Variants in PTBP2 observed in about 807,000 individuals in gnomAD.
PTBP2 encodes the protein polypyrimidine tract-binding protein 2.
PTBP2 carries 13 observed loss-of-function variants against 61.4 expected under a neutral mutation model. The observed-to-expected ratio is 0.21, with a 90% CI of 0.14 to 0.34. The LOEUF is 0.34. PTBP2 is among the 10% of genes least tolerant of loss of function. The pLI is 1.00. For missense variants in PTBP2, 405 were observed against 642.6 expected (o/e 0.63, Z 4.00); for synonymous variants, 215 against 218.5 (o/e 0.98, Z 0.14).
exon 14 of PTBP2, chr1:96,821,857 A>T (rs2101324792): frequency 6.6e-6 from 1 of 152,150 alleles, no homozygotes; most frequent in Non-Finnish European, 1.5e-5. Flanking sequence ...CGAACTCCTG[A>T]CCTCAAATGA....
chr1:96,722,202 A>G (rs1649680996), intron 1 of PTBP2, among the ~76,000 whole-genome samples: 1 of 151,984 alleles, frequency 6.6e-6, no homozygotes, highest in Non-Finnish European at 1.5e-5. Context: ...TGCCCCCTCT[A>G]GGAGCCATTT....
intron 2 of PTBP2, chr1:96,749,488 CTT>C: frequency 3.1e-6 from 1 of 325,888 alleles, no homozygotes; most frequent in South Asian, 2.3e-5. Flanking sequence ...GTGAGTAAAA[CTT>C]TAAGCATCAC....
intron 8 of PTBP2, among the ~76,000 whole-genome samples, chr1:96,785,960 G>T (rs1659161698): frequency 6.6e-6 from 1 of 152,094 alleles, no homozygotes; most frequent in Non-Finnish European, 1.5e-5. Flanking sequence ...TAAGTAAAAT[G>T]TGCAAAGTGA....
chr1:96,785,499 A>G lies in PTBP2; in HGVS notation c.904+245A>G, dbSNP rs12080378. ...ATACCTTCAGCTTCTCTTCCATGCC[A>G]CTCTCCCAGAACAAAAGAAGAAAAG... On this transcript the variant is annotated intron_variant, in intron 8 of 13. Transcript: ENST00000674951. Among the ~76,000 whole-genome samples the G allele has an allele frequency of 1.2e-3, 186 of 152,248 alleles. 1 individual carries two copies. Among genetic ancestry groups the G allele is most frequent in the African/African-American group, 4.4e-3 (183 of 41,554 alleles).
At chr1:96,789,690 A>T (rs1250836567) in intron 8 of PTBP2, among the ~76,000 whole-genome samples, 1 of 152,054 alleles carries the variant, frequency 6.6e-6, no homozygotes, top group Admixed American at 6.5e-5. Context: ...AATATTTATT[A>T]ATTTATTATT....
intron 8 of PTBP2, 103 bp from the exon 9 acceptor site, chr1:96,804,697 G>A (rs1661337173): frequency 8.4e-6 from 10 of 1,193,380 alleles, no homozygotes; most frequent in Non-Finnish European, 1.2e-5. Flanking sequence ...GGAATGGTCA[G>A]CCGTAAGCCA....
chr1:96,791,764 G>A (rs976497147), intron 8 of PTBP2, among the ~76,000 whole-genome samples: 1 of 150,300 alleles, frequency 6.7e-6, no homozygotes, highest in South Asian at 2.1e-4. Flanking sequence ...CCTAGGAATA[G>A]CTCAAAAATT....
chr1:96,724,644 A>AGATGCTGACTG (rs1388951212), intron 2 of PTBP2, among the ~76,000 whole-genome samples: 1 of 128,154 alleles, frequency 7.8e-6, no homozygotes, highest in East Asian at 2.4e-4. Context: ...CTGTTCAAAC[A>AGATGCTGACTG]TTTTTTCGAA....
downstream of PTBP2, chr1:96,815,428 G>A (rs1370858112): frequency 6.6e-6 from 1 of 152,138 alleles, no homozygotes; most frequent in Admixed American, 6.5e-5. Context: ...ATACATTCAA[G>A]TATTTAAAAA....
chr1:96,763,333 C>T (rs957600213), intron 3 of PTBP2, among the ~76,000 whole-genome samples: 4 of 152,064 alleles, frequency 2.6e-5, no homozygotes, highest in Non-Finnish European at 4.4e-5. Context: ...TCCGGCACCT[C>T]GGGAGGCCGA....
rs573308144 is a variant in PTBP2 at position 96,760,827 on chromosome 1, A to T, written c.116-8876A>T. Among the ~76,000 whole-genome samples the T allele has an allele frequency of 3.9e-5, 6 of 152,298 alleles. No individual in the cohort carries two copies. The East Asian group carries it at 1.2e-3, about 29-fold the overall frequency. ...TACTTTTAGTTTTTTACCCAGTAAG[A>T]ACATGTTTGCTGTAAAACTTGTATG... is the stretch of plus-strand genomic sequence containing the variant. On this transcript the variant is annotated intron_variant, in intron 3 of 13. Transcript: ENST00000674951.
At chr1:96,780,091 C>A (rs552781832) in intron 7 of PTBP2, among the ~76,000 whole-genome samples, 1 of 152,040 alleles carries the variant, frequency 6.6e-6, no homozygotes, top group Non-Finnish European at 1.5e-5. Flanking sequence ...GCTTTTCTTG[C>A]AAAATCTGCT....
At chr1:96,734,893 C>CT (rs891559642) in intron 2 of PTBP2, among the ~76,000 whole-genome samples, 28 of 133,522 alleles carry the variant, frequency 2.1e-4, no homozygotes, top group African/African-American at 6.5e-4. Flanking sequence ...TAATTGTCTC[C>CT]TTTTTTTTTC....
At chr1:96,751,219 AAGAAGGGAAGGGAACACTGTT>A (rs1161644650) in intron 2 of PTBP2, 185 bp from the exon 3 acceptor site, 13 of 642,880 alleles carry the variant, frequency 2.0e-5, no homozygotes, top group Non-Finnish European at 3.7e-5. Flanking sequence ...GCTTAGAGTA[AAGAAGGGAAGGGAACACTGTT>A]GCCTTTGTGA....
At chr1:96,763,514 T>C (rs374671488) in intron 3 of PTBP2, among the ~76,000 whole-genome samples, 2 of 147,282 alleles carry the variant, frequency 1.4e-5, no homozygotes, top group African/African-American at 5.0e-5. Context: ...TTGCAGTGAG[T>C]CGAGATGGCA....
intron 3 of PTBP2, among the ~76,000 whole-genome samples, chr1:96,760,081 C>T (rs1202094382): frequency 6.6e-6 from 1 of 152,106 alleles, no homozygotes; most frequent in African/African-American, 2.4e-5. Context: ...CACCAGGTCC[C>T]TCCCACAACA....
chr1:96,764,838 G>A (rs1218382873), intron 3 of PTBP2, among the ~76,000 whole-genome samples: 2 of 152,196 alleles, frequency 1.3e-5, no homozygotes, highest in Non-Finnish European at 2.9e-5. Flanking sequence ...TATAAAGGTA[G>A]TGAGAGCCTT....
At chr1:96,767,164 A>G (rs1015026258) in intron 3 of PTBP2, among the ~76,000 whole-genome samples, 2 of 152,132 alleles carry the variant, frequency 1.3e-5, no homozygotes, top group Admixed American at 6.5e-5. Flanking sequence ...GAAGTTTCCT[A>G]CGTTCTTTCT....
At chr1:96,743,297 A>T (rs1240603807) in intron 2 of PTBP2, among the ~76,000 whole-genome samples, 1 of 149,308 alleles carries the variant, frequency 6.7e-6, no homozygotes, top group Non-Finnish European at 1.5e-5. Flanking sequence ...AAAAAATTCC[A>T]CTTTCTGGAT....
Sources: allele counts gnomAD v4.1 joint callset (sites outside exome capture counted in the v4.1 genomes callset), GRCh38; gene constraint gnomAD v4.1.1; transcripts MANE v1.5; gene names NCBI Gene and HGNC (gene_info 2026-07-23, HGNC 2026-07-21).